Variants in WDPCP observed in about 807,000 individuals in gnomAD.
WDPCP encodes WD repeat containing planar cell polarity effector, also known as WD repeat-containing and planar cell polarity effector protein fritz homolog.
Under a neutral mutation model 93.1 loss-of-function variants are expected in WDPCP, and 71 were observed. The ratio of observed to expected loss-of-function variants is 0.76; its 90% CI spans 0.63 to 0.93. The LOEUF (loss-of-function observed/expected upper bound fraction) is 0.93. Ranked by LOEUF, WDPCP falls within the 40% of genes least tolerant of loss-of-function variation. The pLI is 0.00. For synonymous variants in WDPCP, 315 were observed against 315.0 expected, an observed-to-expected ratio of 1.00 and a Z score of 0.00; for missense variants, 844 against 887.4, an observed-to-expected ratio of 0.95 and a Z score of 0.62.
chr2:63,701,804 A>C (rs1258642712), intron 2 of WDPCP, among the ~76,000 whole-genome samples: 1 of 152,184 alleles, frequency 6.6e-6, no homozygotes, highest in Non-Finnish European at 1.5e-5. Flanking sequence ...AAAAGTGACT[A>C]TCATGAAATA....
At chr2:63,144,620 A>G (rs1281288092) in intron 17 of WDPCP, among the ~76,000 whole-genome samples, 1 of 152,098 alleles carries the variant, frequency 6.6e-6, no homozygotes, top group Admixed American at 6.5e-5. Context: ...TCTTTAAGCT[A>G]TCTATTTCCT....
upstream of WDPCP, chr2:63,590,386 AATTTTT>A (rs1709165217): frequency 6.6e-6 from 1 of 152,080 alleles, no homozygotes. Context: ...AGTCTTTCTG[AATTTTT>A]ATTTTTATAG....
At chr2:63,439,306 A>G (rs1697344290) in intron 7 of WDPCP, among the ~76,000 whole-genome samples, 1 of 152,122 alleles carries the variant, frequency 6.6e-6, no homozygotes, top group Admixed American at 6.6e-5. Context: ...TTTAGAAAAT[A>G]TAGCCCAAAA....
chr2:63,281,225 G>T (rs115761473), intron 13 of WDPCP, among the ~76,000 whole-genome samples: 1 of 152,202 alleles, frequency 6.6e-6, no homozygotes, highest in African/African-American at 2.4e-5. Context: ...CAAGCATATG[G>T]GAAAATGCTT....
intron 3 of WDPCP, among the ~76,000 whole-genome samples, chr2:63,618,234 G>A (rs1364479506): frequency 6.6e-6 from 1 of 152,180 alleles, no homozygotes; most frequent in Non-Finnish European, 1.5e-5. Context: ...TGCTTAGAAT[G>A]AAAACTCAGC....
intron 3 of WDPCP, chr2:63,607,252 T>A (rs1709550946): frequency 4.6e-6 from 1 of 217,890 alleles, no homozygotes; most frequent in Non-Finnish European, 9.1e-6. Flanking sequence ...GAAGCAAACT[T>A]GCGGACAGGC....
chr2:63,432,929 A>G (rs898660374), intron 9 of WDPCP, among the ~76,000 whole-genome samples: 2 of 152,216 alleles, frequency 1.3e-5, no homozygotes, highest in Non-Finnish European at 2.9e-5. Flanking sequence ...CTCGAATACT[A>G]ATTCTGGGAA....
At chr2:63,655,382 C>T (rs561774625) in intron 2 of WDPCP, among the ~76,000 whole-genome samples, 8 of 152,020 alleles carry the variant, frequency 5.3e-5, no homozygotes, top group Admixed American at 4.6e-4. Context: ...ATTACAAACA[C>T]ATATATACAT....
At chr2:63,604,908 G>A (rs770623721) in intron 3 of WDPCP, 31 of 1,604,294 alleles carry the variant, frequency 1.9e-5, no homozygotes, top group Admixed American at 6.8e-5. Context: ...AACACTGAGC[G>A]TAAAGAACTC....
chr2:63,420,361 TAAAAA>T (rs60889615), intron 9 of WDPCP, among the ~76,000 whole-genome samples: 1 of 120,546 alleles, frequency 8.3e-6, no homozygotes, highest in African/African-American at 3.4e-5. Context: ...CATCTTTACT[TAAAAA>T]AAAAAAAAAA....
At chr2:63,416,401 T>C (rs1322964835) in intron 9 of WDPCP, among the ~76,000 whole-genome samples, 1 of 130,790 alleles carries the variant, frequency 7.6e-6, no homozygotes, top group African/African-American at 2.8e-5. Context: ...GGTTTCGCCA[T>C]GTTGGCCCAG....
intron 13 of WDPCP, among the ~76,000 whole-genome samples, chr2:63,277,230 G>T (rs1683157423): frequency 6.9e-6 from 1 of 145,660 alleles, no homozygotes; most frequent in South Asian, 2.2e-4. Context: ...AAAAAAAAAA[G>T]CTAAATCTTG....
At chr2:63,209,338 T>C (rs1248244541) in intron 14 of WDPCP, among the ~76,000 whole-genome samples, 1 of 152,236 alleles carries the variant, frequency 6.6e-6, no homozygotes, top group Admixed American at 6.5e-5. Context: ...AGTAGGAATC[T>C]TGGTCATCCA....
chr2:63,268,083 G>T (rs1013988406), intron 13 of WDPCP, among the ~76,000 whole-genome samples: 6 of 152,162 alleles, frequency 3.9e-5, no homozygotes, highest in Non-Finnish European at 7.3e-5. Context: ...TCCATCAATG[G>T]TTGAATGGAT....
At chr2:63,647,281 G>A (rs1710062607) in intron 3 of WDPCP, among the ~76,000 whole-genome samples, 1 of 152,004 alleles carries the variant, frequency 6.6e-6, no homozygotes, top group African/African-American at 2.4e-5. Context: ...GGGATTACAG[G>A]TGCCCGCCAC....
chr2:63,781,911 T>C (rs1323536346), intron 2 of WDPCP, among the ~76,000 whole-genome samples: 1 of 152,138 alleles, frequency 6.6e-6, no homozygotes, highest in East Asian at 1.9e-4. Context: ...AAGCAGTCAG[T>C]CCACAGGCAA....
chr2:63,800,524 T>C (rs1400034023), intron 2 of WDPCP, among the ~76,000 whole-genome samples: 1 of 152,098 alleles, frequency 6.6e-6, no homozygotes, highest in Non-Finnish European at 1.5e-5. Context: ...AATAAAACAA[T>C]CAAAAGTTCA....
At chr2:63,363,495 G>T (rs765632168) in intron 12 of WDPCP, among the ~76,000 whole-genome samples, 7 of 152,208 alleles carry the variant, frequency 4.6e-5, no homozygotes, top group Non-Finnish European at 7.4e-5. Context: ...CTACTCGGGA[G>T]GCTAAGGTGG....
chr2:63,581,521 A>G (rs565495045), intron 1 of WDPCP, among the ~76,000 whole-genome samples: 7 of 152,320 alleles, frequency 4.6e-5, no homozygotes, highest in African/African-American at 1.4e-4. Context: ...TTTGTGATTC[A>G]CAGTCATTGG....
Sources: gnomAD v4.1 joint callset for allele counts (sites outside exome capture counted in the v4.1 genomes callset) on GRCh38, gnomAD v4.1.1 for gene constraint, MANE v1.5 for transcripts, NCBI Gene and HGNC (gene_info 2026-07-23, HGNC 2026-07-21) for gene names.